Variants in MYH10 observed in about 807,000 individuals in gnomAD.
The protein encoded by MYH10 is myosin-10.
Under a neutral mutation model 257.8 loss-of-function variants are expected in MYH10, and 55 were observed. The ratio of observed to expected loss-of-function variants is 0.21; its 90% confidence interval spans 0.17 to 0.27. The LOEUF is 0.27. MYH10 is among the 10% of genes least tolerant of loss of function. The probability of loss-of-function intolerance (pLI) is 1.00; values close to 1 mark genes in which losing one functional copy is unlikely to be tolerated. For synonymous variants in MYH10, 854 were observed against 921.7 expected (o/e 0.93, Z 1.33); for missense variants, 1,631 against 2,500.6 (o/e 0.65, Z 7.42).
intron 35 of MYH10, 85 bp from the exon 36 acceptor site, chr17:8,487,679 G>A (rs570177099): frequency 6.7e-7 from 1 of 1,493,786 alleles, no homozygotes; most frequent in Non-Finnish European, 9.2e-7. Flanking sequence ...GGGGGGCTCT[G>A]GTTACTCGGG....
At chr17:8,589,144 G>C in intron 3 of MYH10, 36 bp from the exon 4 acceptor site, 1 of 1,603,330 alleles carries the variant, frequency 6.2e-7, no homozygotes, top group Non-Finnish European at 8.5e-7. Flanking sequence ...AAAAAAGAAA[G>C]TGACCATTTG....
chr17:8,541,283 G>A (rs972307841), intron 14 of MYH10, among the ~76,000 whole-genome samples: 1 of 152,182 alleles, frequency 6.6e-6, no homozygotes, highest in African/African-American at 2.4e-5. Context: ...CACCTCCTAG[G>A]AGAAAACTCT....
chr17:8,569,836 A>C lies in MYH10; in HGVS notation c.664-24T>G. On this transcript the variant is annotated intron_variant, in intron 6 of 42. Coordinates refer to ENST00000360416, the MANE Select transcript of MYH10 (RefSeq NM_001256012.3). This position sits in a 1 kb window ranked among gnomAD's most constrained non-coding sequence, Gnocchi z 4.1. The stretch of plus-strand genomic sequence containing the variant: ...CCCTAAAAGACATTACACACACACA[A>C]ATAAAAGCAGATGTACGTTAATCTA... 5 of 1,538,324 alleles carry C rather than the reference A, an allele frequency of 3.3e-6. No homozygotes were observed. Among genetic ancestry groups the C allele is most frequent in the Non-Finnish European group, 4.4e-6 (5 of 1,123,770 alleles).
chr17:8,512,357 T>C lies in MYH10; in HGVS notation c.2952+94A>G, dbSNP rs2081327182. 3 of 1,023,436 alleles carry C rather than the reference T, an allele frequency of 2.9e-6. No homozygotes were observed. In the African/African-American group the frequency reaches 4.9e-5, roughly 17 times the overall value. The allele number at this position is 1,023,436 out of a possible 1,614,324, so 63.4% of individuals were successfully genotyped here. On this transcript the variant is annotated intron_variant, in intron 24 of 42. Coordinates refer to ENST00000360416, the MANE Select transcript of MYH10 (RefSeq NM_001256012.3). ...AACCCAGAACCCTTTTGCTTCTCTG[T>C]GGACTTAAGAATCCAAACACATAAC... is the stretch of plus-strand genomic sequence containing the variant.
At chr17:8,555,678 C>A (rs2082769559) in intron 7 of MYH10, among the ~76,000 whole-genome samples, 1 of 152,140 alleles carries the variant, frequency 6.6e-6, no homozygotes, top group African/African-American at 2.4e-5. Flanking sequence ...TGGGCTAAAA[C>A]TATAAAACTT....
At position 8,630,398 on chromosome 17, in the gene MYH10, CG is replaced by C. The variant is rs899636071; in HGVS notation, c.-32+255del. Among the ~76,000 whole-genome samples the C allele has an allele frequency of 4.2e-4, 64 of 152,042 alleles. 1 individual carries two copies. The highest frequency in any genetic ancestry group is 1.4e-3 in the African/African-American group (60 of 41,464). On this transcript the variant is annotated intron_variant, in intron 1 of 42. Coordinates refer to ENST00000360416, the MANE Select transcript of MYH10 (RefSeq NM_001256012.3). ...ACAAGGACTTCATTCCCCGCTCCTC[CG>C]GGAGTCTCTCCATCTCCACCCACTG...
At chr17:8,502,560 C>A (rs1259083751) in intron 28 of MYH10, among the ~76,000 whole-genome samples, 1 of 151,748 alleles carries the variant, frequency 6.6e-6, no homozygotes, top group Non-Finnish European at 1.5e-5. Flanking sequence ...TTCTCTTCTC[C>A]AGGCTGAACA....
intron 32 of MYH10, among the ~76,000 whole-genome samples, chr17:8,493,228 C>T (rs1014960568): frequency 6.6e-6 from 1 of 152,092 alleles, no homozygotes; most frequent in South Asian, 2.1e-4. Flanking sequence ...TCTGTAGTCT[C>T]GGCTACTGGG....
At chr17:8,629,728 C>T (rs1012119866) in intron 1 of MYH10, among the ~76,000 whole-genome samples, 1 of 152,118 alleles carries the variant, frequency 6.6e-6, no homozygotes, top group Non-Finnish European at 1.5e-5. Context: ...AAAGGGATCC[C>T]GAGGCGAGTG....
At chr17:8,567,801 A>G (rs2083210050) in intron 7 of MYH10, among the ~76,000 whole-genome samples, 1 of 152,232 alleles carries the variant, frequency 6.6e-6, no homozygotes, top group Admixed American at 6.5e-5. Context: ...ATGGACAAGG[A>G]TAATTTTAGA....
intron 3 of MYH10, 119 bp from the exon 4 acceptor site, chr17:8,589,227 A>G: frequency 3.0e-6 from 3 of 986,960 alleles, no homozygotes; most frequent in Non-Finnish European, 4.6e-6. Context: ...ACTCCTCTCG[A>G]GCCAAGTTAA....
chr17:8,478,378 A>G lies in MYH10; in HGVS notation c.5666T>C (p.Val1889Ala), dbSNP rs1428681356. 1.9e-6 allele frequency: 3 copies of G among 1,613,964 alleles called. No individual in the cohort carries two copies. Among genetic ancestry groups the G allele is most frequent in the Non-Finnish European group, 2.5e-6 (3 of 1,179,994 alleles). The change falls in exon 41 of 43, where the codon GTT becomes GCT. Residue 1889 changes from valine to alanine, a missense_variant. Coordinates refer to ENST00000360416, the MANE Select transcript of MYH10 (RefSeq NM_001256012.3). ...GTCCGCGTGTCGACGCTCATCCTCAACCTGCATGAAGATTTCTTTCAGCTT... is the reference window on the plus strand; with the variant it reads ...GTCCGCGTGTCGACGCTCATCCTCAGCCTGCATGAAGATTTCTTTCAGCTT... ...EKKLKEIFMQ[V>A]EDERRHADQY... is the part of the protein sequence containing the mutation.
At chr17:8,597,153 A>G (rs1440373199) in intron 3 of MYH10, among the ~76,000 whole-genome samples, 2 of 152,216 alleles carry the variant, frequency 1.3e-5, no homozygotes, top group South Asian at 2.1e-4. Flanking sequence ...AACAAATTAT[A>G]TAAGAAAGGA....
Position 8,564,361 on chromosome 17 carries a change from T to C in MYH10, c.756+5359A>G, listed in dbSNP as rs926417989. Among the ~76,000 whole-genome samples, 8 of 152,214 alleles carry C rather than the reference T, an allele frequency of 5.3e-5. 1 individual carries two copies. The highest frequency in any genetic ancestry group is 1.7e-4 in the African/African-American group (7 of 41,468). ...AATATGACTGCATGAAATTTCACTG[T>C]ATACACAACTCATTTTTTAACATCG... On this transcript the variant is annotated intron_variant, in intron 7 of 42. Coordinates refer to ENST00000360416, the MANE Select transcript of MYH10 (RefSeq NM_001256012.3).
intron 2 of MYH10, among the ~76,000 whole-genome samples, chr17:8,611,761 G>C (rs1355542295): frequency 6.6e-6 from 1 of 152,150 alleles, no homozygotes; most frequent in Non-Finnish European, 1.5e-5. Flanking sequence ...ACCCAGATGG[G>C]ACGAGGTGAA....
intron 3 of MYH10, among the ~76,000 whole-genome samples, chr17:8,592,041 C>G (rs917722319): frequency 3.3e-5 from 5 of 152,158 alleles, no homozygotes; most frequent in African/African-American, 1.2e-4. Context: ...CCAAACAGAG[C>G]CTTACGGTGA....
rs117132036 is a variant in MYH10 at position 8,606,772 on chromosome 17, G to A, written c.346-1790C>T. Among the ~76,000 whole-genome samples the A allele has an allele frequency of 1.8e-4, 27 of 152,282 alleles. No homozygotes were observed. In the East Asian group the frequency reaches 5.2e-3, roughly 29 times the overall value. On this transcript the variant is annotated intron_variant, in intron 2 of 42. Coordinates refer to ENST00000360416, the MANE Select transcript of MYH10 (RefSeq NM_001256012.3). ...GGCCCTTATCCTAAATTCAGATTTGGGCTGTTTGCTGAAGCCTTACTACTG... is the reference window on the plus strand; with the variant it reads ...GGCCCTTATCCTAAATTCAGATTTGAGCTGTTTGCTGAAGCCTTACTACTG...
intron 3 of MYH10, among the ~76,000 whole-genome samples, chr17:8,600,129 CCAGAAGCAT>C (rs2084535827): frequency 6.6e-6 from 1 of 152,122 alleles, no homozygotes; most frequent in African/African-American, 2.4e-5. Context: ...GAGCATAACT[CCAGAAGCAT>C]CAGCAACCCA....
At chr17:8,601,256 G>A (rs955502887) in intron 3 of MYH10, among the ~76,000 whole-genome samples, 5 of 152,166 alleles carry the variant, frequency 3.3e-5, no homozygotes, top group African/African-American at 9.7e-5. Flanking sequence ...CAAGCCACAA[G>A]GTGGTGAGCC....
Sources: gnomAD v4.1 joint callset for allele counts (sites outside exome capture counted in the v4.1 genomes callset) on GRCh38, gnomAD v4.1.1 for gene constraint, Gnocchi (gnomAD v3.1) non-coding constraint, MANE v1.5 for transcripts, NCBI Gene and HGNC (gene_info 2026-07-23, HGNC 2026-07-21) for gene names.